The following ERAP1 variants were observed in gnomAD, a reference collection of about 807,000 sequenced individuals.
ERAP1 encodes the protein adipocyte-derived leucine aminopeptidase.
Under a neutral mutation model 103.7 loss-of-function variants are expected in ERAP1, and 86 were observed. The observed-to-expected ratio is 0.83, with a 90% CI of 0.70 to 0.99. ERAP1 has a LOEUF of 0.99. Among genes scored for constraint, ERAP1 ranks in the 50% least tolerant of loss-of-function variants. The pLI is 0.00. For synonymous variants in ERAP1, 398 were observed against 402.4 expected (o/e 0.99, Z 0.13); for missense variants, 1,009 against 1,128.4 (o/e 0.89, Z 1.52).
chr5:96,932,773 ATTTG>A, the ERAP1 span, among the ~76,000 whole-genome samples: 1 of 152,126 alleles, frequency 6.6e-6, no homozygotes, highest in Admixed American at 6.6e-5. Context: ...AACAAATGCA[ATTTG>A]TTTTTCAGGG....
chr5:96,778,542 G>A (rs1774686219), intron 18 of ERAP1, among the ~76,000 whole-genome samples: 2 of 152,180 alleles, frequency 1.3e-5, no homozygotes, highest in African/African-American at 4.8e-5. Context: ...TAAGCCAGGA[G>A]CGCCTGTGGG....
At chr5:96,802,381 A>C (rs1778106014) in intron 2 of ERAP1, among the ~76,000 whole-genome samples, 3 of 151,980 alleles carry the variant, frequency 2.0e-5, no homozygotes. Context: ...TAAGAATTCT[A>C]TTTATATAAA....
chr5:96,786,212 C>T (rs1775969841), intron 12 of ERAP1, among the ~76,000 whole-genome samples: 1 of 152,188 alleles, frequency 6.6e-6, no homozygotes, highest in Non-Finnish European at 1.5e-5. Context: ...CATCTCTGGC[C>T]ATACATATGA....
intron 19 of ERAP1, among the ~76,000 whole-genome samples, chr5:96,767,720 G>A (rs752402066): frequency 1.3e-5 from 2 of 151,796 alleles, no homozygotes; most frequent in Non-Finnish European, 1.5e-5. Flanking sequence ...AAGAGTAGAT[G>A]GAAAAAAAGC....
chr5:96,792,011 T>G (rs372830172), intron 8 of ERAP1, 50 bp downstream of exon 8: 16 of 1,602,318 alleles, frequency 1.0e-5, no homozygotes, highest in Non-Finnish European at 1.3e-5. Context: ...CACCCCAGTA[T>G]GTATAACTTT....
intron 9 of ERAP1, 43 bp downstream of exon 9, chr5:96,790,469 G>A (rs1776607139): frequency 6.8e-6 from 11 of 1,612,078 alleles, no homozygotes; most frequent in Non-Finnish European, 8.5e-6. Flanking sequence ...AAGATGATAA[G>A]CCTGTCAATC....
the ERAP1 span, chr5:96,876,000 G>A: frequency 6.6e-6 from 1 of 152,420 alleles, no homozygotes; most frequent in Admixed American, 6.5e-5. Flanking sequence ...CAGTCCCCTC[G>A]TGCCCAAGGA....
intron 3 of ERAP1, among the ~76,000 whole-genome samples, chr5:96,798,472 T>G (rs2013717): frequency 0.16 from 24,680 of 151,718 alleles, 2,277 homozygotes; most frequent in Non-Finnish European, 0.22. Flanking sequence ...ACGTCAGCAA[T>G]AAAAAGCACG....
intron 18 of ERAP1, 56 bp downstream of exon 18, chr5:96,780,367 A>T: frequency 1.6e-6 from 2 of 1,251,306 alleles, no homozygotes; most frequent in Non-Finnish European, 2.2e-6. Context: ...ACCCCATATT[A>T]ATTAGCTAAT....
rs1561291085 is a variant in ERAP1, at chr5:96,803,552, G to T, written c.375C>A (p.His125Gln). 1 of 1,613,774 alleles carries T rather than the reference G, an allele frequency of 6.2e-7. No homozygotes were observed. Residue 125 changes from histidine (H) to glutamine (Q), a missense_variant, in exon 2 of 19, where the codon CAC becomes CAA. Physicochemically the swap from His to Gln is conservative, Grantham distance 24. Around this residue, in one of 3 missense-constraint regions of ERAP1, gnomAD observed 392 missense variants for 455.2 expected, o/e 0.86. Coordinates refer to ENST00000443439, the MANE Select transcript of ERAP1 (RefSeq NM_001040458.3). ...GCAGTGCAATTTGCTCCTGACGGGG[G>T]TGTTCCAGGACCTGCAGGGGTTCTT... Reference protein sequence around the residue: ...LSEEPLQVLEHPRQEQIALLA... With the variant: ...LSEEPLQVLEQPRQEQIALLA...
At chr5:96,790,794 G>A (rs1313881633) in intron 8 of ERAP1, 151 bp from the exon 9 acceptor site, 2 of 713,804 alleles carry the variant, frequency 2.8e-6, no homozygotes, top group Non-Finnish European at 4.8e-6. Flanking sequence ...GAGTAAGCAG[G>A]TTAAACCTGG....
chr5:96,926,965 C>A, the ERAP1 span, among the ~76,000 whole-genome samples: 2 of 152,152 alleles, frequency 1.3e-5, no homozygotes, highest in Non-Finnish European at 2.9e-5. Context: ...TACAGACATG[C>A]ATCACCATGC....
At chr5:96,799,844 A>C (rs184964055) in intron 3 of ERAP1, among the ~76,000 whole-genome samples, 30 of 152,294 alleles carry the variant, frequency 2.0e-4, no homozygotes, top group Non-Finnish European at 4.0e-4. Flanking sequence ...TTTGCAGAAG[A>C]GTGATTTTTA....
the ERAP1 span, among the ~76,000 whole-genome samples, chr5:96,903,983 C>T: frequency 1.3e-5 from 2 of 152,142 alleles, no homozygotes; most frequent in Non-Finnish European, 2.9e-5. Context: ...TTTGAGCTTT[C>T]GACCCCACAT....
At chr5:96,879,993 A>C in the ERAP1 span, 5 of 1,614,062 alleles carry the variant, frequency 3.1e-6, no homozygotes, top group Non-Finnish European at 4.2e-6. Context: ...TTGGTCAGCA[A>C]TGCTACCCAG....
the ERAP1 span, chr5:96,934,948 GA>G: frequency 6.6e-6 from 1 of 152,528 alleles, no homozygotes; most frequent in Admixed American, 6.5e-5. Flanking sequence ...AGAGGATAAG[GA>G]AGCGGTTCCC....
At chr5:96,926,515 T>C in the ERAP1 span, among the ~76,000 whole-genome samples, 5 of 152,300 alleles carry the variant, frequency 3.3e-5, no homozygotes, top group South Asian at 2.1e-4. Flanking sequence ...TCTGTTTCTA[T>C]AGATTTGCCT....
the ERAP1 span, among the ~76,000 whole-genome samples, chr5:96,876,783 G>T: frequency 7.2e-5 from 11 of 152,102 alleles, no homozygotes; most frequent in South Asian, 2.3e-3. Context: ...GACAATTCTT[G>T]CCTCTTCAAT....
At chr5:96,888,701 A>G in the ERAP1 span, among the ~76,000 whole-genome samples, 1 of 152,250 alleles carries the variant, frequency 6.6e-6, no homozygotes, top group African/African-American at 2.4e-5. Context: ...TGGGGGAGCC[A>G]TTGAACATAT....
Sources: allele counts gnomAD v4.1 joint callset (sites outside exome capture counted in the v4.1 genomes callset), GRCh38; gene constraint gnomAD v4.1.1; regional missense constraint gnomAD v4.1.1; transcripts MANE v1.5; gene names NCBI Gene and HGNC (gene_info 2026-07-23, HGNC 2026-07-21).